The following PPP1R3A variants were observed in gnomAD, a reference collection of about 807,000 sequenced individuals.
PPP1R3A encodes the protein RG1.
A neutral mutation model predicts 41.7 loss-of-function variants in PPP1R3A; 29 were observed. That is an observed-to-expected ratio of 0.70 (90% CI 0.52 to 0.95). PPP1R3A has a LOEUF of 0.95. Ranked by LOEUF, PPP1R3A falls within the 40% of genes least tolerant of loss-of-function variation. The pLI is 0.00. For synonymous variants in PPP1R3A, 485 were observed against 453.4 expected, an observed-to-expected ratio of 1.07 and a Z score of -0.89; for missense variants, 1,352 against 1,292.4, an observed-to-expected ratio of 1.05 and a Z score of -0.71.
At chr7:113,904,056 G>A (rs1262527663) in intron 1 of PPP1R3A, among the ~76,000 whole-genome samples, 1 of 151,544 alleles carries the variant, frequency 6.6e-6, no homozygotes, top group Non-Finnish European at 1.5e-5. Context: ...GAATTTGTCC[G>A]AGTATGTTTC....
chr7:113,899,974 T>G (rs904136306), intron 1 of PPP1R3A, among the ~76,000 whole-genome samples: 8 of 151,808 alleles, frequency 5.3e-5, no homozygotes, highest in Non-Finnish European at 1.0e-4. Flanking sequence ...GTAAATTGTA[T>G]ATGGATTGCT....
chr7:113,899,029 C>T (rs1440286410), intron 1 of PPP1R3A, among the ~76,000 whole-genome samples: 1 of 151,786 alleles, frequency 6.6e-6, no homozygotes, highest in African/African-American at 2.4e-5. Context: ...ACTAGAATTT[C>T]AAGCTAACAG....
At chr7:113,902,456 A>C (rs1797082011) in intron 1 of PPP1R3A, among the ~76,000 whole-genome samples, 1 of 151,850 alleles carries the variant, frequency 6.6e-6, no homozygotes, top group Non-Finnish European at 1.5e-5. Context: ...TTGGATAAAG[A>C]TTTACAATGC....
rs1796707393 is a variant in PPP1R3A at position 113,882,310 on chromosome 7, ATTC to A, written c.790_792del (p.Glu264del). ...TTATTTTCTTCTGATGTTACTGATG[ATTC>A]TTCTTTACTGTTAAATTTAAAAGAA... On this transcript the variant is annotated inframe_deletion, in exon 2 of 4. Coordinates refer to ENST00000284601, the MANE Select transcript of PPP1R3A (RefSeq NM_002711.4). The A allele has an allele frequency of 1.4e-6, 2 of 1,456,216 alleles. No individual in the cohort carries two copies. Among genetic ancestry groups the A allele is most frequent in the East Asian group, 4.6e-5 (2 of 43,704 alleles). The allele number at this position is 1,456,216 out of a possible 1,614,324, so 90.2% of individuals were successfully genotyped here.
chr7:113,903,371 CTTAATA>C (rs1395271652), intron 1 of PPP1R3A, among the ~76,000 whole-genome samples: 1 of 151,568 alleles, frequency 6.6e-6, no homozygotes, highest in Non-Finnish European at 1.5e-5. Flanking sequence ...GAATTGAGTA[CTTAATA>C]TTGATAATGG....
intron 1 of PPP1R3A, among the ~76,000 whole-genome samples, chr7:113,910,036 G>A (rs118134869): frequency 0.012 from 1,860 of 152,110 alleles, 27 homozygotes; most frequent in South Asian, 0.018. Flanking sequence ...ACAAAGAAGC[G>A]AAGGCACATC....
chr7:113,893,408 C>A (rs1407386600), intron 1 of PPP1R3A, among the ~76,000 whole-genome samples: 1 of 151,842 alleles, frequency 6.6e-6, no homozygotes. Flanking sequence ...CCACAGAAAT[C>A]TCACCTGCAT....
At chr7:113,888,902 T>C (rs1415149465) in intron 1 of PPP1R3A, among the ~76,000 whole-genome samples, 1 of 152,192 alleles carries the variant, frequency 6.6e-6, no homozygotes, top group Non-Finnish European at 1.5e-5. Context: ...AAAGGAACTT[T>C]AAACATCTCA....
intron 1 of PPP1R3A, among the ~76,000 whole-genome samples, chr7:113,898,914 A>G (rs914987863): frequency 6.6e-6 from 1 of 151,910 alleles, no homozygotes; most frequent in East Asian, 2.0e-4. Flanking sequence ...ATGTCCTACA[A>G]TTCAGTATTG....
chr7:113,880,692 G>GATTTAAC lies in PPP1R3A; in HGVS notation c.967-574_967-568dup, dbSNP rs1245224717. On this transcript the variant is annotated intron_variant, in intron 3 of 3. Transcript: ENST00000284601. Reference sequence around the variant, plus strand: ...GCTCTTCAGTGATGCCAACTGTCAGGATTTAACAGTGAGATGCCTGTGTTT... The same window carrying GATTTAAC: ...GCTCTTCAGTGATGCCAACTGTCAGGATTTAACATTTAACAGTGAGATGCCTGTGTTT... Among the ~76,000 whole-genome samples, 8 of 144,422 alleles carry GATTTAAC rather than the reference G, an allele frequency of 5.5e-5. No homozygotes were observed. In the East Asian group the frequency reaches 1.7e-3, roughly 30 times the overall value. The allele number at this position is 144,422 out of a possible 152,430, so 94.7% of individuals were successfully genotyped here.
rs749624006 is a variant in PPP1R3A, at chr7:113,879,415, G to A, written c.1677C>T (p.Asn559=). 4 of 1,613,532 alleles carry A rather than the reference G, an allele frequency of 2.5e-6. No individual in the cohort carries two copies. In the Admixed American group the frequency reaches 5.0e-5, roughly 20 times the overall value. The change falls in exon 4 of 4, where the codon AAC becomes AAT. Residue 559 remains asparagine, a synonymous_variant. Transcript: ENST00000284601. ...KISVAGIGAS[N]RDLATLLSEH... ...CGCTCAGCAGAGTAGCCAGGTCTCT[G>A]TTACTAGCTCCAATCCCTGCCACAC...
At position 113,880,078 on chromosome 7, in the gene PPP1R3A, T is replaced by C. The variant is rs1796662754; in HGVS notation, c.1014A>G (p.Glu338=). 2.5e-6 allele frequency: 4 copies of C among 1,609,126 alleles called. No individual in the cohort carries two copies. The highest frequency in any genetic ancestry group is 3.4e-6 in the Non-Finnish European group (4 of 1,175,930). The change falls in exon 4 of 4, where the codon GAA becomes GAG. Residue 338 remains glutamate, a synonymous_variant. Coordinates refer to ENST00000284601, the MANE Select transcript of PPP1R3A (RefSeq NM_002711.4). ...IRTRSTASRD[E]RNTFSTDPVN... is the part of the protein sequence containing the mutation. ...CTGGATCTGTTGAAAATGTATTCCT[T>C]TCATCTCTGGAAGCAGTACTTCTGG...
chr7:113,897,118 A>G (rs1452685067), intron 1 of PPP1R3A, among the ~76,000 whole-genome samples: 1 of 151,888 alleles, frequency 6.6e-6, no homozygotes, highest in East Asian at 1.9e-4. Flanking sequence ...TCTAAAGTAC[A>G]ACACAATCTT....
chr7:113,907,376 T>C (rs1562925449), intron 1 of PPP1R3A, among the ~76,000 whole-genome samples: 1 of 151,738 alleles, frequency 6.6e-6, no homozygotes, highest in Non-Finnish European at 1.5e-5. Flanking sequence ...GAGGCAGCAT[T>C]AGTAGTGAAG....
At chr7:113,894,205 G>A (rs137938129) in intron 1 of PPP1R3A, among the ~76,000 whole-genome samples, 1 of 151,908 alleles carries the variant, frequency 6.6e-6, no homozygotes, top group Non-Finnish European at 1.5e-5. Flanking sequence ...AAACATTTAG[G>A]TTGCTTTGGA....
chr7:113,878,918 G>T lies in PPP1R3A; in HGVS notation c.2174C>A (p.Ala725Glu), dbSNP rs575356300. Residue 725 changes from alanine to glutamate, a missense_variant, in exon 4 of 4, where the codon GCA (alanine) becomes GAA (glutamate). Physicochemically the swap from Ala to Glu is moderately radical, Grantham distance 107. Transcript: ENST00000284601. ...AATTATATAGGCTGTACCAGCTTCT[G>T]CTTTCTCAGTAATGCCATGATCAGC... ...SLADHGITEKAEAGTAYIIKT... is the reference protein window; with the variant it reads ...SLADHGITEKEEAGTAYIIKT... 6.2e-7 allele frequency: 1 copy of T among 1,612,996 alleles called. No individual in the cohort carries two copies. The highest frequency in any genetic ancestry group is 1.3e-5 in the African/African-American group (1 of 74,964).
chr7:113,905,519 T>TAA (rs1424628975), intron 1 of PPP1R3A, among the ~76,000 whole-genome samples: 1 of 151,868 alleles, frequency 6.6e-6, no homozygotes, highest in Non-Finnish European at 1.5e-5. Context: ...ATTCTTCCTG[T>TAA]AACTTTTCTA....
At chr7:113,907,166 T>C (rs1309948793) in intron 1 of PPP1R3A, among the ~76,000 whole-genome samples, 1 of 151,744 alleles carries the variant, frequency 6.6e-6, no homozygotes, top group Non-Finnish European at 1.5e-5. Context: ...TTATTATTAA[T>C]AGGATTGTTA....
Position 113,877,212 on chromosome 7 carries a change from A to G in PPP1R3A, c.*511T>C, listed in dbSNP as rs1327925639. Reference sequence around the variant, plus strand: ...AATATATATGGGTGTTTTCTTAAAAATATGAAAGGTTGAAATATTTGATCA... The same window carrying G: ...AATATATATGGGTGTTTTCTTAAAAGTATGAAAGGTTGAAATATTTGATCA... On this transcript the variant is annotated 3_prime_UTR_variant, in exon 4 of 4. Transcript: ENST00000284601. 6.6e-6 allele frequency: 1 copy of G among 152,234 alleles called. No individual in the cohort carries two copies. The highest frequency in any genetic ancestry group is 1.9e-4 in the East Asian group (1 of 5,162). 9.4% of individuals were successfully genotyped at this position (152,234 alleles called of 1,614,324 possible). A position where few individuals can be genotyped will look rare whatever the true frequency, so the allele number is the denominator to read the frequency against.
Sources: gnomAD v4.1 joint callset for allele counts (sites outside exome capture counted in the v4.1 genomes callset) on GRCh38, gnomAD v4.1.1 for gene constraint, MANE v1.5 for transcripts, NCBI Gene and HGNC (gene_info 2026-07-23, HGNC 2026-07-21) for gene names.